The following ENTPD6 variants were observed in gnomAD, a reference collection of about 807,000 sequenced individuals.
ENTPD6 encodes ectonucleoside triphosphate diphosphohydrolase 6, also known as CD39 antigen-like 2.
ENTPD6 carries 46 observed loss-of-function variants against 61.5 expected under a neutral mutation model. The observed-to-expected ratio is 0.75, with a 90% CI of 0.59 to 0.96. The LOEUF (loss-of-function observed/expected upper bound fraction) is 0.96, where lower values mean the gene tolerates loss of function less well. Ranked by LOEUF, ENTPD6 falls within the 40% of genes least tolerant of loss-of-function variation. The probability of loss-of-function intolerance (pLI) is 0.00; values close to 1 mark genes in which losing one functional copy is unlikely to be tolerated. For synonymous variants in ENTPD6, 252 were observed against 255.5 expected (o/e 0.99, Z 0.13); for missense variants, 612 against 629.0 (o/e 0.97, Z 0.29).
chr20:25,212,495 A>G (rs982229554), intron 4 of ENTPD6, among the ~76,000 whole-genome samples: 36 of 152,236 alleles, frequency 2.4e-4, no homozygotes, highest in Non-Finnish European at 4.9e-4. Flanking sequence ...CTGTGTTCCC[A>G]CACACCTGCC....
At position 25,225,723 on chromosome 20, in the gene ENTPD6, C is replaced by T; in HGVS notation, c.*126C>T. ...TGCTGGCACTTTCTGCACACTGGCT[C>T]TGGGACTTGCAGAAGGCCTGGTGCT... is the stretch of plus-strand genomic sequence containing the variant. On this transcript the variant is annotated 3_prime_UTR_variant, in exon 15 of 15. Coordinates refer to ENST00000376652, the MANE Select transcript of ENTPD6 (RefSeq NM_001247.5). 1 of 754,788 alleles carries T rather than the reference C, an allele frequency of 1.3e-6. No homozygotes were observed. The highest frequency in any genetic ancestry group is 1.8e-5 in the South Asian group (1 of 57,016). The allele number at this position is 754,788 out of a possible 1,614,324, so 46.8% of individuals were successfully genotyped here.
At chr20:25,214,089 C>T (rs1390417819) in intron 5 of ENTPD6, among the ~76,000 whole-genome samples, 1 of 152,078 alleles carries the variant, frequency 6.6e-6, no homozygotes, top group Non-Finnish European at 1.5e-5. Flanking sequence ...GTCCGATGCT[C>T]AGACGTGACT....
rs762045177 is a variant in ENTPD6 at position 25,209,904 on chromosome 20, C to T, written c.432C>T (p.Ala144=). ...AAGCACTGAAGCCAGGTCTTTCTGC[C>T]TATGCTGATGATGTTGAAAAGGTAA... is the stretch of plus-strand genomic sequence containing the variant. ...TFKALKPGLS[A]YADDVEKSAQ... The change falls in exon 4 of 15, where the codon GCC becomes GCT. Residue 144 remains alanine (A), a synonymous_variant. Coordinates refer to ENST00000376652, the MANE Select transcript of ENTPD6 (RefSeq NM_001247.5). 6.6e-5 allele frequency: 106 copies of T among 1,614,010 alleles called. No homozygotes were observed. Among genetic ancestry groups the T allele is most frequent in the Non-Finnish European group, 8.7e-5 (103 of 1,179,968 alleles).
intron 1 of ENTPD6, among the ~76,000 whole-genome samples, chr20:25,201,874 T>C (rs1180793487): frequency 6.6e-6 from 1 of 152,162 alleles, no homozygotes; most frequent in Non-Finnish European, 1.5e-5. Context: ...CACACCACCA[T>C]GTCCAGCTAA....
chr20:25,205,315 G>T (rs2091381996), intron 1 of ENTPD6, among the ~76,000 whole-genome samples: 1 of 152,166 alleles, frequency 6.6e-6, no homozygotes, highest in South Asian at 2.1e-4. Flanking sequence ...GAAGGGGGTG[G>T]CAGTGACATT....
intron 1 of ENTPD6, 197 bp downstream of exon 1, chr20:25,196,064 C>A: frequency 1.1e-6 from 1 of 925,042 alleles, no homozygotes; most frequent in Non-Finnish European, 1.4e-6. Flanking sequence ...CGGTGGGGGG[C>A]AAGTCCAGTG....
intron 3 of ENTPD6, 24 bp from the exon 4 acceptor site, chr20:25,209,825 C>G: frequency 6.2e-7 from 1 of 1,600,202 alleles, no homozygotes; most frequent in Non-Finnish European, 8.6e-7. Context: ...TAGTTGTACC[C>G]TTTTCAACAT....
intron 1 of ENTPD6, among the ~76,000 whole-genome samples, chr20:25,198,402 G>A (rs941201608): frequency 2.0e-5 from 3 of 152,084 alleles, no homozygotes; most frequent in Admixed American, 2.0e-4. Context: ...CTTAACCTGG[G>A]AGGCAGAGGT....
chr20:25,200,398 T>G (rs1428545439), intron 1 of ENTPD6, among the ~76,000 whole-genome samples: 1 of 152,230 alleles, frequency 6.6e-6, no homozygotes, highest in Non-Finnish European at 1.5e-5. Flanking sequence ...GTTGATTGTT[T>G]CTTTTGCTGG....
chr20:25,204,003 G>GT (rs1243190637), intron 1 of ENTPD6, among the ~76,000 whole-genome samples: 5 of 152,058 alleles, frequency 3.3e-5, no homozygotes, highest in Non-Finnish European at 2.9e-5. Context: ...CTGTGTATGT[G>GT]TTTTTTTCAA....
At chr20:25,215,779 T>G (rs1370463684) in intron 7 of ENTPD6, 68 bp downstream of exon 7, 7 of 1,491,988 alleles carry the variant, frequency 4.7e-6, no homozygotes, top group Non-Finnish European at 6.5e-6. Flanking sequence ...ACTGGGCCTT[T>G]CGAGAGCAGG....
rs144750245 is a variant in ENTPD6 at position 25,204,993 on chromosome 20, C to G, written c.-15-1529C>G. Among the ~76,000 whole-genome samples the G allele has an allele frequency of 1.8e-3, 270 of 152,296 alleles. 1 individual carries two copies. The highest frequency in any genetic ancestry group is 5.9e-3 in the African/African-American group (246 of 41,560). The stretch of plus-strand genomic sequence containing the variant: ...GGGAACAAGGGCCTTTGAGCTTCCT[C>G]TTTTGCCGTCTTGCTGTGTCCTCTC... On this transcript the variant is annotated intron_variant, in intron 1 of 14. Coordinates refer to ENST00000376652, the MANE Select transcript of ENTPD6 (RefSeq NM_001247.5).
rs569863576 is a variant in ENTPD6, at chr20:25,221,419, C to T, written c.1045+86C>T. The T allele has an allele frequency of 4.6e-5, 46 of 1,010,010 alleles. No homozygotes were observed. The South Asian group carries it at 4.7e-4, about 10-fold the overall frequency. 62.6% of individuals were successfully genotyped at this position (1,010,010 alleles called of 1,614,324 possible). A position where few individuals can be genotyped will look rare whatever the true frequency, so the allele number is the denominator to read the frequency against. On this transcript the variant is annotated intron_variant, in intron 11 of 14. Transcript: ENST00000376652. ...CTTGCCTTTCCCACATCCCATGGGA[C>T]GTTCCACGGGAGGCTCCTGACCTCT...
At position 25,226,397 on chromosome 20, in the gene ENTPD6, G is replaced by A. The variant is rs991753874; in HGVS notation, c.*800G>A. 3 of 152,622 alleles carry A rather than the reference G, an allele frequency of 2.0e-5. No homozygotes were observed. The highest frequency in any genetic ancestry group is 2.0e-4 in the Admixed American group (3 of 15,272). The allele number at this position is 152,622 out of a possible 1,614,324, so 9.5% of individuals were successfully genotyped here. A position where few individuals can be genotyped will look rare whatever the true frequency, so the allele number is the denominator to read the frequency against. Reference sequence around the variant, plus strand: ...AACTGTGTTCTGAGCCCCCTTTTCTGGACACCAACTGTGTCCTGTGAATGT... The same window carrying A: ...AACTGTGTTCTGAGCCCCCTTTTCTAGACACCAACTGTGTCCTGTGAATGT... On this transcript the variant is annotated 3_prime_UTR_variant, in exon 15 of 15. Transcript: ENST00000376652.
At chr20:25,207,578 A>G (rs557258501) in intron 3 of ENTPD6, among the ~76,000 whole-genome samples, 181 bp downstream of exon 3, 37 of 152,156 alleles carry the variant, frequency 2.4e-4, no homozygotes, top group Middle Eastern at 6.8e-3. Flanking sequence ...TCACTCTTAC[A>G]CTAGTGAGTG....
Position 25,216,702 on chromosome 20 carries a change from G to C in ENTPD6, c.764G>C (p.Gly255Ala), listed in dbSNP as rs200746604. The change falls in exon 8 of 15, where the codon GGA becomes GCA. Residue 255 changes from glycine (G) to alanine (A), a missense_variant. By Grantham distance (60) the Gly-to-Ala change is moderately conservative (BLOSUM62 0). Coordinates refer to ENST00000376652, the MANE Select transcript of ENTPD6 (RefSeq NM_001247.5). ...GTGGGCATGCTGGACTTGGGCGGAG[G>C]ATCCACTCAGATCGCCTTCCTGCCA... ...SSVGMLDLGG[G>A]STQIAFLPRV... is the part of the protein sequence containing the mutation. The C allele has an allele frequency of 9.3e-6, 15 of 1,606,116 alleles. No individual in the cohort carries two copies. The highest frequency in any genetic ancestry group is 1.3e-5 in the Non-Finnish European group (15 of 1,176,888).
At position 25,217,541 on chromosome 20, in the gene ENTPD6, C is replaced by G; in HGVS notation, c.838C>G (p.Leu280Val). ...QASPPGYLTALRMFNRTYKLY... is the reference protein window; with the variant it reads ...QASPPGYLTAVRMFNRTYKLY... ...CTCCCCACCCGGCTACCTGACGGCA[C>G]TGCGGATGTTTAACAGGACCTACAA... Residue 280 changes from leucine (L) to valine (V), a missense_variant, in exon 9 of 15, where the codon CTG becomes GTG. Coordinates refer to ENST00000376652, the MANE Select transcript of ENTPD6 (RefSeq NM_001247.5). 1 of 1,614,196 alleles carries G rather than the reference C, an allele frequency of 6.2e-7. No individual in the cohort carries two copies.
chr20:25,199,949 G>A (rs537007878), intron 1 of ENTPD6, among the ~76,000 whole-genome samples: 120 of 152,326 alleles, frequency 7.9e-4, no homozygotes, highest in African/African-American at 2.8e-3. Context: ...GTGAATGTGA[G>A]TGTGTAGATA....
At chr20:25,204,518 C>G (rs932212041) in intron 1 of ENTPD6, among the ~76,000 whole-genome samples, 9 of 152,132 alleles carry the variant, frequency 5.9e-5, no homozygotes, top group African/African-American at 2.2e-4. Flanking sequence ...CCCCCAGTCC[C>G]TCCTTGGGCC....
Sources: gnomAD v4.1 joint callset for allele counts (sites outside exome capture counted in the v4.1 genomes callset) on GRCh38, gnomAD v4.1.1 for gene constraint, MANE v1.5 for transcripts, NCBI Gene and HGNC (gene_info 2026-07-23, HGNC 2026-07-21) for gene names.